Variants in PLD5 observed in about 807,000 individuals in gnomAD.
The protein encoded by PLD5 is inactive phospholipase D5.
A neutral mutation model predicts 61.1 loss-of-function variants in PLD5; 36 were observed. That is an observed-to-expected ratio of 0.59 (90% confidence interval 0.45 to 0.78). The LOEUF (loss-of-function observed/expected upper bound fraction) is 0.78, where lower values mean the gene tolerates loss of function less well. Ranked by LOEUF, PLD5 falls within the 30% of genes least tolerant of loss-of-function variation. The pLI is 0.00. For missense variants in PLD5, 515 were observed against 644.4 expected, an observed-to-expected ratio of 0.80 and a Z score of 2.17; for synonymous variants, 243 against 242.8, an observed-to-expected ratio of 1.00 and a Z score of -0.01.
intron 4 of PLD5, among the ~76,000 whole-genome samples, chr1:242,242,012 G>GACACACACAC (rs377737578): frequency 2.5e-4 from 26 of 106,042 alleles, no homozygotes; most frequent in African/African-American, 7.4e-4. Flanking sequence ...TATATATATA[G>GACACACACAC]ACACACACAC....
chr1:242,394,573 T>A (rs1300739286), intron 1 of PLD5, among the ~76,000 whole-genome samples: 320 of 5,806 alleles, frequency 0.055, 60 homozygotes, highest in Admixed American at 0.083. Context: ...CATATATATG[T>A]GTATATATGT....
rs559418647 is a variant in PLD5, at chr1:242,212,723, C to G, written c.735+7265G>C. On this transcript the variant is annotated intron_variant, in intron 5 of 9. Transcript: ENST00000536534. ...GGCCTGCCTGCTCAGCTCTCCAGCT[C>G]TCCGGCCTGTGGCAAAATTTTGTGT... is the stretch of plus-strand genomic sequence containing the variant. Among the ~76,000 whole-genome samples, 232 of 152,348 alleles carry G rather than the reference C, an allele frequency of 1.5e-3. 1 individual carries two copies. The highest frequency in any genetic ancestry group is 5.0e-3 in the African/African-American group (210 of 41,596).
chr1:242,407,556 G>GGTT (rs1553369639), intron 1 of PLD5, among the ~76,000 whole-genome samples: 90 of 105,484 alleles, frequency 8.5e-4, no homozygotes, highest in African/African-American at 3.8e-3. Context: ...TGTTGTGGTT[G>GGTT]TTTTGTTTTT....
chr1:242,231,693 A>G (rs1671310262), intron 4 of PLD5, among the ~76,000 whole-genome samples: 1 of 152,226 alleles, frequency 6.6e-6, no homozygotes, highest in African/African-American at 2.4e-5. Flanking sequence ...GGATAAGGCA[A>G]TGAGCTTAGA....
chr1:242,299,893 A>C (rs1675928452), intron 2 of PLD5, among the ~76,000 whole-genome samples: 1 of 152,214 alleles, frequency 6.6e-6, no homozygotes, highest in Non-Finnish European at 1.5e-5. Flanking sequence ...CCAAGTGCTG[A>C]AAGGCACCCA....
At chr1:242,430,710 TCTC>T (rs1409370140) in intron 1 of PLD5, among the ~76,000 whole-genome samples, 2 of 152,066 alleles carry the variant, frequency 1.3e-5, no homozygotes, top group Non-Finnish European at 2.9e-5. Flanking sequence ...ACCTGCTGGT[TCTC>T]CTCCTCTGAC....
chr1:242,098,559 C>T (rs549034512), intron 9 of PLD5, among the ~76,000 whole-genome samples: 48 of 152,228 alleles, frequency 3.2e-4, no homozygotes, highest in South Asian at 1.0e-3. Context: ...TCTCTCAACT[C>T]GTCAAAGTCA....
intron 1 of PLD5, among the ~76,000 whole-genome samples, chr1:242,511,997 C>T (rs192652694): frequency 5.3e-5 from 8 of 152,054 alleles, no homozygotes; most frequent in Non-Finnish European, 7.4e-5. Flanking sequence ...GCACATGTCA[C>T]GGACATATCG....
At chr1:242,159,157 G>C (rs1284503501) in intron 5 of PLD5, among the ~76,000 whole-genome samples, 3 of 138,896 alleles carry the variant, frequency 2.2e-5, no homozygotes, top group South Asian at 2.3e-4. Flanking sequence ...GTATAAGACA[G>C]TATAGACGAA....
chr1:242,174,259 A>C (rs1164937532), intron 5 of PLD5, among the ~76,000 whole-genome samples: 3 of 152,246 alleles, frequency 2.0e-5, no homozygotes, highest in Middle Eastern at 3.2e-3. Flanking sequence ...GACACTTCTC[A>C]AAAGAAGACA....
chr1:242,324,356 T>G (rs1658616432), intron 2 of PLD5, among the ~76,000 whole-genome samples: 1 of 152,212 alleles, frequency 6.6e-6, no homozygotes, highest in South Asian at 2.1e-4. Context: ...GCAAAAGTGA[T>G]TTCAATTACT....
chr1:242,425,804 G>C (rs2102879736), intron 1 of PLD5, among the ~76,000 whole-genome samples: 1 of 151,590 alleles, frequency 6.6e-6, no homozygotes, highest in East Asian at 1.9e-4. Flanking sequence ...CACCACACCT[G>C]ACTAATTTTT....
intron 5 of PLD5, among the ~76,000 whole-genome samples, chr1:242,158,553 C>T (rs764465911): frequency 2.0e-5 from 3 of 152,148 alleles, no homozygotes; most frequent in Admixed American, 1.3e-4. Flanking sequence ...CCACAGCTTA[C>T]CTTCGGTAGG....
chr1:242,295,623 G>GATAAAATA (rs1354458318), intron 2 of PLD5, among the ~76,000 whole-genome samples: 9 of 152,156 alleles, frequency 5.9e-5, no homozygotes, highest in African/African-American at 1.4e-4. Context: ...GTGTCCGTTT[G>GATAAAATA]ATAAAATAAC....
At chr1:242,347,349 A>C (rs1257061471) in intron 2 of PLD5, among the ~76,000 whole-genome samples, 1 of 152,184 alleles carries the variant, frequency 6.6e-6, no homozygotes, top group African/African-American at 2.4e-5. Flanking sequence ...TTACTGTTGT[A>C]ATTTAGTGGC....
chr1:242,253,057 C>T (rs1057200347), intron 4 of PLD5, among the ~76,000 whole-genome samples: 4 of 151,024 alleles, frequency 2.6e-5, no homozygotes, highest in East Asian at 3.9e-4. Flanking sequence ...CCTCATGATC[C>T]GCTTGCCTTG....
chr1:242,140,525 T>C (rs1230041256), intron 5 of PLD5, among the ~76,000 whole-genome samples: 1 of 152,140 alleles, frequency 6.6e-6, no homozygotes, highest in East Asian at 1.9e-4. Context: ...TAGTCTCAGC[T>C]ACTCAGGTGG....
At chr1:242,383,685 G>A (rs1558514843) in intron 1 of PLD5, among the ~76,000 whole-genome samples, 1 of 151,950 alleles carries the variant, frequency 6.6e-6, no homozygotes, top group African/African-American at 2.4e-5. Flanking sequence ...ATCCTTAGAA[G>A]GGCAAAATCT....
chr1:242,255,693 A>C (rs1321818951), intron 4 of PLD5, among the ~76,000 whole-genome samples: 1 of 152,184 alleles, frequency 6.6e-6, no homozygotes, highest in Non-Finnish European at 1.5e-5. Context: ...GAAAATAAAA[A>C]TATGGATTAT....
Sources: gnomAD v4.1 joint callset for allele counts (sites outside exome capture counted in the v4.1 genomes callset) on GRCh38, gnomAD v4.1.1 for gene constraint, MANE v1.5 for transcripts, NCBI Gene and HGNC (gene_info 2026-07-23, HGNC 2026-07-21) for gene names.